Variants in DOK6 observed in about 807,000 individuals in gnomAD.
DOK6 encodes docking protein 6.
DOK6 carries 22 observed loss-of-function variants against 44.0 expected under a neutral mutation model. The ratio of observed to expected loss-of-function variants is 0.50; its 90% confidence interval spans 0.36 to 0.71. The LOEUF is 0.71. Among genes scored for constraint, DOK6 ranks in the 30% least tolerant of loss-of-function variants. The pLI is 0.00. For missense variants in DOK6, 340 were observed against 416.4 expected (o/e 0.82, Z 1.60); for synonymous variants, 166 against 145.5 (o/e 1.14, Z -1.01).
rs143951214 is a variant in DOK6, at chr18:69,667,466, T to C, written c.290-10268T>C. 8.1e-4 allele frequency among the ~76,000 whole-genome samples: 123 copies of C among 152,268 alleles called. 1 individual carries two copies. The highest frequency in any genetic ancestry group is 2.9e-3 in the African/African-American group (119 of 41,558). ...AATAAGGGAAGCCTAACAAAAACTT[T>C]CCTTATTAAGGGAGCTAATGCTACC... On this transcript the variant is annotated intron_variant, in intron 3 of 7. Transcript: ENST00000382713.
intron 7 of DOK6, 92 bp downstream of exon 7, chr18:69,757,965 C>A (rs1219203640): frequency 1.9e-6 from 2 of 1,072,428 alleles, no homozygotes; most frequent in Non-Finnish European, 2.9e-6. Flanking sequence ...GCATTGCTTG[C>A]TTTTCCTCCC....
intron 1 of DOK6, among the ~76,000 whole-genome samples, chr18:69,485,158 G>A (rs1980537715): frequency 6.6e-6 from 1 of 152,052 alleles, no homozygotes. Flanking sequence ...ATTTGGTTTG[G>A]GATTTGTGGA....
chr18:69,512,045 T>C (rs989661884), intron 1 of DOK6, among the ~76,000 whole-genome samples: 5 of 152,038 alleles, frequency 3.3e-5, no homozygotes, highest in African/African-American at 1.2e-4. Flanking sequence ...TTCTAGTGGA[T>C]TTCAGTTGTT....
chr18:69,466,303 GT>G (rs2122481439), intron 1 of DOK6, among the ~76,000 whole-genome samples: 1 of 152,192 alleles, frequency 6.6e-6, no homozygotes, highest in South Asian at 2.1e-4. Flanking sequence ...CACTTAACAT[GT>G]TTTCCAGATT....
At chr18:69,405,435 C>T (rs1430999250) in intron 1 of DOK6, among the ~76,000 whole-genome samples, 4 of 152,020 alleles carry the variant, frequency 2.6e-5, no homozygotes, top group South Asian at 2.1e-4. Context: ...AGAAAGTCAG[C>T]GGGGTCTGGT....
intron 1 of DOK6, among the ~76,000 whole-genome samples, chr18:69,452,455 A>G (rs1411267141): frequency 1.6e-5 from 2 of 127,638 alleles, no homozygotes; most frequent in Non-Finnish European, 3.2e-5. Context: ...GGACCAGATG[A>G]ATTCACAGCC....
Position 69,574,968 on chromosome 18 carries a change from G to A in DOK6, c.174+10374G>A, listed in dbSNP as rs551674313. On this transcript the variant is annotated intron_variant, in intron 2 of 7. Transcript: ENST00000382713. ...AAAGGAGGAGATAGATTTAGGTGAC[G>A]TTCTCCAGGCACAGTCAAGTAGAAT... Among the ~76,000 whole-genome samples, 22 of 152,122 alleles carry A rather than the reference G, an allele frequency of 1.4e-4. No individual in the cohort carries two copies. The South Asian group carries it at 1.5e-3, about 10-fold the overall frequency.
chr18:69,808,410 C>G (rs536949126), intron 7 of DOK6, among the ~76,000 whole-genome samples: 8 of 140,264 alleles, frequency 5.7e-5, no homozygotes, highest in Non-Finnish European at 9.6e-5. Flanking sequence ...CTAAAGTTAG[C>G]AGAAGGAAGG....
At chr18:69,837,570 C>G (rs374610156) in intron 7 of DOK6, among the ~76,000 whole-genome samples, 1 of 136,350 alleles carries the variant, frequency 7.3e-6, no homozygotes, top group South Asian at 2.3e-4. Flanking sequence ...AGGTGTTCAG[C>G]AAAAAAAAAA....
intron 3 of DOK6, among the ~76,000 whole-genome samples, chr18:69,628,946 A>C (rs1984623185): frequency 6.6e-6 from 1 of 152,258 alleles, no homozygotes; most frequent in African/African-American, 2.4e-5. Flanking sequence ...CACAAATATC[A>C]AGGCTTAAGT....
chr18:69,800,331 A>G (rs536054671), intron 7 of DOK6, among the ~76,000 whole-genome samples: 23 of 152,254 alleles, frequency 1.5e-4, no homozygotes, highest in African/African-American at 4.3e-4. Context: ...TGCTTATAAC[A>G]AAGAAGCTAA....
At chr18:69,706,340 A>C (rs1485732970) in intron 5 of DOK6, among the ~76,000 whole-genome samples, 9 of 152,284 alleles carry the variant, frequency 5.9e-5, no homozygotes, top group African/African-American at 1.7e-4. Flanking sequence ...CAAAAGACCT[A>C]TCTGGTTTTC....
chr18:69,798,608 G>A (rs1980816209), intron 7 of DOK6, among the ~76,000 whole-genome samples: 1 of 151,906 alleles, frequency 6.6e-6, no homozygotes, highest in Non-Finnish European at 1.5e-5. Flanking sequence ...GAAAGTTTAG[G>A]TTATCTGAAA....
intron 7 of DOK6, among the ~76,000 whole-genome samples, chr18:69,779,453 TACACAC>T (rs36016822): frequency 2.7e-5 from 4 of 148,912 alleles, no homozygotes; most frequent in Non-Finnish European, 4.5e-5. Context: ...ACACACAGTC[TACACAC>T]ACACACACAC....
chr18:69,573,936 C>T (rs1983178594), intron 2 of DOK6, among the ~76,000 whole-genome samples: 1 of 151,896 alleles, frequency 6.6e-6, no homozygotes. Flanking sequence ...CTGAATTGCT[C>T]AAATTAAGGT....
intron 1 of DOK6, among the ~76,000 whole-genome samples, chr18:69,551,019 C>T (rs1398017082): frequency 6.6e-6 from 1 of 150,910 alleles, no homozygotes; most frequent in African/African-American, 2.4e-5. Context: ...TTAATCTTAA[C>T]TTATTTACAG....
At chr18:69,559,028 T>C (rs1172508328) in intron 1 of DOK6, among the ~76,000 whole-genome samples, 1 of 152,170 alleles carries the variant, frequency 6.6e-6, no homozygotes, top group African/African-American at 2.4e-5. Context: ...GTAAACAGTC[T>C]ATTACATAGA....
At chr18:69,625,467 C>G (rs576220594) in intron 3 of DOK6, among the ~76,000 whole-genome samples, 1 of 152,136 alleles carries the variant, frequency 6.6e-6, no homozygotes, top group Non-Finnish European at 1.5e-5. Flanking sequence ...AAGGGACCAC[C>G]TATACCTAGC....
chr18:69,684,366 G>A (rs554126510), intron 4 of DOK6, among the ~76,000 whole-genome samples: 1 of 152,254 alleles, frequency 6.6e-6, no homozygotes, highest in Admixed American at 6.5e-5. Context: ...ATGTCTAACT[G>A]TACTGTTATA....
Sources: allele counts gnomAD v4.1 joint callset (sites outside exome capture counted in the v4.1 genomes callset), GRCh38; gene constraint gnomAD v4.1.1; transcripts MANE v1.5; gene names NCBI Gene and HGNC (gene_info 2026-07-23, HGNC 2026-07-21).